Variants in NRL observed in about 807,000 individuals in gnomAD.
NRL encodes neural retina-specific leucine zipper protein.
In NRL, 16 loss-of-function variants were observed where a neutral mutation model predicts 12.5. That is an observed-to-expected ratio of 1.28 (90% confidence interval 0.87 to 1.95). NRL has a LOEUF of 1.95. Ranked by LOEUF, NRL falls within the 30% of genes most tolerant of loss-of-function variation. The pLI is 0.00. For synonymous variants in NRL, 142 were observed against 150.9 expected, an observed-to-expected ratio of 0.94 and a Z score of 0.43; for missense variants, 314 against 325.8, an observed-to-expected ratio of 0.96 and a Z score of 0.28.
intron 1 of NRL, among the ~76,000 whole-genome samples, chr14:24,084,116 T>A (rs181239900): frequency 6.6e-6 from 1 of 152,296 alleles, no homozygotes; most frequent in East Asian, 1.9e-4. Flanking sequence ...TCCAACCACA[T>A]GTCAGACCCC....
intron 1 of NRL, chr14:24,110,572 T>TA (rs568833641): frequency 1.9e-4 from 30 of 157,604 alleles, no homozygotes; most frequent in South Asian, 1.2e-3. Flanking sequence ...ATAGGTACCT[T>TA]AAAAAAAAAT....
intron 1 of NRL, 112 bp downstream of exon 1, chr14:24,114,610 T>A (rs779102158): frequency 1.1e-6 from 1 of 924,452 alleles, no homozygotes; most frequent in African/African-American, 1.8e-5. Flanking sequence ...CGGCTGTCTC[T>A]GATTCAGGAA....
chr14:24,093,854 T>TG (rs1391428986), intron 1 of NRL, among the ~76,000 whole-genome samples: 2 of 152,094 alleles, frequency 1.3e-5, no homozygotes. Context: ...ATTGGGCACT[T>TG]GGACTACAGA....
At chr14:24,090,010 G>A (rs758313105) in intron 1 of NRL, among the ~76,000 whole-genome samples, 3 of 152,114 alleles carry the variant, frequency 2.0e-5, no homozygotes, top group Non-Finnish European at 2.9e-5. Flanking sequence ...TGCAGAGCCT[G>A]GGAGGTCACA....
In NRL at chr14:24,081,564, G is replaced by A. The variant is rs1296367242; in HGVS notation, c.386C>T (p.Ala129Val). Residue 129 changes from alanine to valine, a missense_variant, in exon 3 of 3, where the codon GCA (alanine) becomes GTA (valine). By Grantham distance (64) the Ala-to-Val change is moderately conservative (BLOSUM62 0). Transcript: ENST00000561028. This position sits in a 1 kb window ranked among gnomAD's most constrained non-coding sequence, Gnocchi z 4.4. Reference sequence around the variant, plus strand: ...CAGCGCCGCGTCGGAAAACCGCTCTGCCAGCTGCGGAGGGAGAATGCAGAA... The same window carrying A: ...CAGCGCCGCGTCGGAAAACCGCTCTACCAGCTGCGGAGGGAGAATGCAGAA... ...EETGAQHVQL[A>V]ERFSDAALVS... The A allele has an allele frequency of 4.4e-6, 7 of 1,595,038 alleles. No homozygotes were observed. The African/African-American group carries it at 6.7e-5, about 15-fold the overall frequency.
chr14:24,112,429 G>C (rs1230832524), intron 1 of NRL, among the ~76,000 whole-genome samples: 1 of 148,756 alleles, frequency 6.7e-6, no homozygotes, highest in East Asian at 2.0e-4. Context: ...ACTACCATCA[G>C]AGTGAACAGG....
rs2036269086 is a variant in NRL, at chr14:24,081,163, G to A, written c.*73C>T. 1.7e-5 allele frequency: 19 copies of A among 1,110,672 alleles called. No individual in the cohort carries two copies. The highest frequency in any genetic ancestry group is 5.1e-5 in the South Asian group (2 of 39,482). The allele number at this position is 1,110,672 out of a possible 1,614,324, so 68.8% of individuals were successfully genotyped here. On this transcript the variant is annotated 3_prime_UTR_variant, in exon 3 of 3. Transcript: ENST00000561028. This position sits in a 1 kb window ranked among gnomAD's most constrained non-coding sequence, Gnocchi z 4.4. ...GAAGGCGCTCTGGTAACGATGCAGAGAACCGTGCAGCCGCCTCCTGGGCGG... is the reference window on the plus strand; with the variant it reads ...GAAGGCGCTCTGGTAACGATGCAGAAAACCGTGCAGCCGCCTCCTGGGCGG...
At chr14:24,111,718 A>G (rs1053402823) in intron 1 of NRL, among the ~76,000 whole-genome samples, 3 of 151,940 alleles carry the variant, frequency 2.0e-5, no homozygotes, top group South Asian at 2.1e-4. Flanking sequence ...GTTGCTTATC[A>G]GCTTAAGGAG....
intron 1 of NRL, among the ~76,000 whole-genome samples, chr14:24,089,406 C>A (rs62000826): frequency 0.022 from 3,288 of 152,094 alleles, 48 homozygotes; most frequent in East Asian, 0.067. Context: ...ACCACCATGC[C>A]TGGCTACTTT....
intron 1 of NRL, chr14:24,099,166 A>C: frequency 1.2e-6 from 2 of 1,610,584 alleles, no homozygotes; most frequent in Non-Finnish European, 1.7e-6. Context: ...CTGCTGGGCA[A>C]GAAGTGCTTT....
At chr14:24,082,305 T>A (rs1367646656) in intron 2 of NRL, among the ~76,000 whole-genome samples, 163 bp downstream of exon 2, 1 of 152,166 alleles carries the variant, frequency 6.6e-6, no homozygotes, top group African/African-American at 2.4e-5. Context: ...AGAAGCAGAA[T>A]GTAGTTTTCT....
Position 24,102,838 on chromosome 14 carries a change from C to T in NRL, c.-28+11884G>A, listed in dbSNP as rs747288937. 8.7e-6 allele frequency: 14 copies of T among 1,614,056 alleles called. No individual in the cohort carries two copies. The South Asian group carries it at 1.5e-4, about 18-fold the overall frequency. ...CCATCATGGACCCAGCCTGGGAGGCCCCAGAGGGTGTCCCCATTGACGCCA... is the reference window on the plus strand; with the variant it reads ...CCATCATGGACCCAGCCTGGGAGGCTCCAGAGGGTGTCCCCATTGACGCCA... On this transcript the variant is annotated intron_variant, in intron 1 of 2. Transcript: ENST00000561028.
chr14:24,103,230 G>C (rs775593895), intron 1 of NRL: 1 of 1,613,974 alleles, frequency 6.2e-7, no homozygotes, highest in Non-Finnish European at 8.5e-7. Context: ...TGCGCTCTGA[G>C]TCCACTGCTG....
intron 1 of NRL, among the ~76,000 whole-genome samples, chr14:24,086,810 A>G (rs2036477895): frequency 6.6e-6 from 1 of 152,206 alleles, no homozygotes; most frequent in Non-Finnish European, 1.5e-5. Context: ...AAACAAGCTC[A>G]GGCGAGTTGA....
At chr14:24,098,727 C>A in intron 1 of NRL, 1 of 1,501,354 alleles carries the variant, frequency 6.7e-7, no homozygotes, top group Non-Finnish European at 9.2e-7. Context: ...TTCTTGTACT[C>A]AGAGGAAATC....
chr14:24,099,210 G>T, intron 1 of NRL: 1 of 1,600,290 alleles, frequency 6.2e-7, no homozygotes. Flanking sequence ...GGCCCGGGAT[G>T]AGGGCTGGCT....
rs1415389614 is a variant in NRL, at chr14:24,081,224, G to T, written c.*12C>A. On this transcript the variant is annotated 3_prime_UTR_variant, in exon 3 of 3. Coordinates refer to ENST00000561028, the MANE Select transcript of NRL (RefSeq NM_001354768.3). This position sits in a 1 kb window ranked among gnomAD's most constrained non-coding sequence, Gnocchi z 4.4. ...CCCAGCCCCCACTACACCACAAGGT[G>T]CTCTGAACGGCTCAGAGGAAGAGGT... The T allele has an allele frequency of 2.0e-6, 3 of 1,463,918 alleles. No homozygotes were observed. Among genetic ancestry groups the T allele is most frequent in the Admixed American group, 4.8e-5 (2 of 41,418 alleles). 90.7% of individuals were successfully genotyped at this position (1,463,918 alleles called of 1,614,324 possible).
chr14:24,114,044 AG>A (rs1245417616), intron 1 of NRL, among the ~76,000 whole-genome samples: 1 of 152,152 alleles, frequency 6.6e-6, no homozygotes, highest in Non-Finnish European at 1.5e-5. Flanking sequence ...AGGAGGGGGC[AG>A]GAGGGGGCAG....
At chr14:24,096,169 A>G (rs77449121) in intron 1 of NRL, among the ~76,000 whole-genome samples, 1,616 of 151,470 alleles carry the variant, frequency 0.011, 16 homozygotes, top group African/African-American at 0.028. Context: ...GACATATGAA[A>G]TTGTCACCTG....
Sources: gnomAD v4.1 joint callset for allele counts (sites outside exome capture counted in the v4.1 genomes callset) on GRCh38, gnomAD v4.1.1 for gene constraint, Gnocchi (gnomAD v3.1) non-coding constraint, MANE v1.5 for transcripts, NCBI Gene and HGNC (gene_info 2026-07-23, HGNC 2026-07-21) for gene names.